CCSER1: variants seen among roughly 807,000 people sequenced by gnomAD.
The protein encoded by CCSER1 is serine-rich coiled-coil domain-containing protein 1.
A neutral mutation model predicts 82.0 loss-of-function variants in CCSER1; 41 were observed. The observed-to-expected ratio is 0.50, with a 90% CI of 0.39 to 0.65. The LOEUF (loss-of-function observed/expected upper bound fraction) is 0.65, where lower values mean the gene tolerates loss of function less well. CCSER1 is among the 30% of genes least tolerant of loss of function. The probability of loss-of-function intolerance (pLI) is 0.00; values close to 1 mark genes in which losing one functional copy is unlikely to be tolerated. For missense variants in CCSER1, 1,119 were observed against 1,064.2 expected (o/e 1.05, Z -0.72); for synonymous variants, 414 against 383.9 (o/e 1.08, Z -0.92).
chr4:90,230,214 C>G (rs944520409), intron 1 of CCSER1, among the ~76,000 whole-genome samples: 26 of 151,912 alleles, frequency 1.7e-4, no homozygotes, highest in Non-Finnish European at 3.2e-4. Context: ...TGACCACATA[C>G]TTGGAAGTAA....
intron 10 of CCSER1, among the ~76,000 whole-genome samples, chr4:91,532,731 G>A (rs1442559007): frequency 6.6e-6 from 1 of 151,938 alleles, no homozygotes; most frequent in Non-Finnish European, 1.5e-5. Context: ...AGATGGGTGT[G>A]GTGGCATGCA....
intron 10 of CCSER1, among the ~76,000 whole-genome samples, chr4:91,129,112 G>A (rs939842544): frequency 1.3e-5 from 2 of 151,998 alleles, no homozygotes; most frequent in African/African-American, 4.8e-5. Context: ...TTTTCAAACA[G>A]TACCCAAAGG....
intron 10 of CCSER1, among the ~76,000 whole-genome samples, chr4:91,088,367 A>T (rs1045251881): frequency 6.6e-6 from 1 of 152,192 alleles, no homozygotes; most frequent in Non-Finnish European, 1.5e-5. Context: ...GAAGTAATGA[A>T]AACAGAGTAT....
intron 5 of CCSER1, among the ~76,000 whole-genome samples, chr4:90,551,950 C>T (rs903770658): frequency 2.6e-5 from 4 of 152,018 alleles, no homozygotes; most frequent in African/African-American, 9.7e-5. Context: ...CTGCTGAGGG[C>T]TATTCTCTGT....
chr4:91,359,623 T>C (rs1298418696), intron 10 of CCSER1, among the ~76,000 whole-genome samples: 1 of 151,630 alleles, frequency 6.6e-6, no homozygotes, highest in Admixed American at 6.6e-5. Flanking sequence ...GATTAGTATC[T>C]CAGATCTCAT....
At chr4:91,343,373 T>C (rs572524595) in intron 10 of CCSER1, among the ~76,000 whole-genome samples, 4 of 152,262 alleles carry the variant, frequency 2.6e-5, no homozygotes, top group African/African-American at 7.2e-5. Context: ...ATGTTTTCCC[T>C]TTGCTCAGAA....
chr4:90,629,437 C>T (rs112768911), intron 6 of CCSER1, among the ~76,000 whole-genome samples: 4,206 of 152,206 alleles, frequency 0.028, 186 homozygotes, highest in African/African-American at 0.097. Flanking sequence ...TCTTACACGG[C>T]GGCAGGCAAG....
At chr4:91,585,758 A>G (rs962022889) in intron 10 of CCSER1, among the ~76,000 whole-genome samples, 13 of 151,560 alleles carry the variant, frequency 8.6e-5, no homozygotes, top group Non-Finnish European at 3.0e-5. Flanking sequence ...AAGAAACTCA[A>G]AGATGGCTAA....
intron 1 of CCSER1, among the ~76,000 whole-genome samples, chr4:90,157,211 T>C (rs1277592985): frequency 6.6e-6 from 1 of 152,222 alleles, no homozygotes; most frequent in Non-Finnish European, 1.5e-5. Flanking sequence ...CCCCACTCTC[T>C]TCTGGCTTGT....
At chr4:90,488,535 C>A (rs1767489299) in intron 5 of CCSER1, among the ~76,000 whole-genome samples, 1 of 152,174 alleles carries the variant, frequency 6.6e-6, no homozygotes, top group Non-Finnish European at 1.5e-5. Context: ...CCTCATACAT[C>A]TAAAGATAAT....
intron 10 of CCSER1, among the ~76,000 whole-genome samples, chr4:91,235,625 T>C (rs1480926692): frequency 1.3e-5 from 2 of 152,150 alleles, no homozygotes; most frequent in African/African-American, 2.4e-5. Flanking sequence ...TTATGTTCTG[T>C]ACTTATCCAA....
At chr4:90,655,034 A>G (rs1729461638) in intron 6 of CCSER1, among the ~76,000 whole-genome samples, 1 of 152,070 alleles carries the variant, frequency 6.6e-6, no homozygotes, top group South Asian at 2.1e-4. Flanking sequence ...ATATTTTGAA[A>G]TGACTTACAT....
chr4:91,062,827 T>C (rs1561514110), intron 9 of CCSER1, among the ~76,000 whole-genome samples: 1 of 152,100 alleles, frequency 6.6e-6, no homozygotes, highest in Non-Finnish European at 1.5e-5. Flanking sequence ...TCTACAAATA[T>C]CATTTCTGGT....
At chr4:91,354,676 A>G (rs1748701962) in intron 10 of CCSER1, among the ~76,000 whole-genome samples, 1 of 152,180 alleles carries the variant, frequency 6.6e-6, no homozygotes, top group Non-Finnish European at 1.5e-5. Context: ...AGGACGAAAA[A>G]TATGTCAGGG....
chr4:91,507,240 C>T (rs1002539432), intron 10 of CCSER1, among the ~76,000 whole-genome samples: 1 of 151,982 alleles, frequency 6.6e-6, no homozygotes, highest in African/African-American at 2.4e-5. Flanking sequence ...TTTTAAAATC[C>T]CAACAGCAAC....
At chr4:91,021,164 T>G (rs1478995560) in intron 9 of CCSER1, among the ~76,000 whole-genome samples, 1 of 152,204 alleles carries the variant, frequency 6.6e-6, no homozygotes, top group Non-Finnish European at 1.5e-5. Flanking sequence ...CATTGTTTAT[T>G]TACATAAATC....
intron 10 of CCSER1, among the ~76,000 whole-genome samples, chr4:91,106,136 C>T (rs569445388): frequency 3.9e-5 from 6 of 152,302 alleles, no homozygotes; most frequent in East Asian, 1.9e-4. Context: ...CCTGTCTCTT[C>T]GCCATAAAAA....
intron 3 of CCSER1, among the ~76,000 whole-genome samples, chr4:90,325,366 C>T (rs944228798): frequency 4.6e-5 from 7 of 152,116 alleles, no homozygotes; most frequent in African/African-American, 9.6e-5. Context: ...TGTAACCCTA[C>T]GAATCTAGGA....
intron 4 of CCSER1, among the ~76,000 whole-genome samples, chr4:90,427,480 C>T (rs950186171): frequency 9.9e-5 from 15 of 151,124 alleles, no homozygotes; most frequent in African/African-American, 3.6e-4. Context: ...TTAGTAAAAG[C>T]TTTGTTAAGT....
Sources: allele counts gnomAD v4.1 joint callset (sites outside exome capture counted in the v4.1 genomes callset), GRCh38; gene constraint gnomAD v4.1.1; transcripts MANE v1.5; gene names NCBI Gene and HGNC (gene_info 2026-07-23, HGNC 2026-07-21).